Variants in SORCS1 observed in about 807,000 individuals in gnomAD.
SORCS1 encodes the protein VPS10 domain-containing receptor SorCS1.
In SORCS1, 60 loss-of-function variants were observed where a neutral mutation model predicts 146.1. That is an observed-to-expected ratio of 0.41 (90% confidence interval 0.33 to 0.51). The LOEUF is 0.51. SORCS1 is among the 20% of genes least tolerant of loss of function. The pLI is 0.21. For synonymous variants in SORCS1, 637 were observed against 584.0 expected, an observed-to-expected ratio of 1.09 and a Z score of -1.31; for missense variants, 1,352 against 1,487.6, an observed-to-expected ratio of 0.91 and a Z score of 1.50.
intron 1 of SORCS1, among the ~76,000 whole-genome samples, chr10:106,969,771 C>T (rs1955675543): frequency 6.6e-6 from 1 of 152,186 alleles, no homozygotes; most frequent in African/African-American, 2.4e-5. Context: ...CTTCCTCTCT[C>T]CACCTGGAAC....
intron 2 of SORCS1, among the ~76,000 whole-genome samples, chr10:106,944,923 T>C (rs1342042102): frequency 7.4e-6 from 1 of 135,152 alleles, no homozygotes; most frequent in African/African-American, 2.7e-5. Context: ...TCTCGCTCTG[T>C]CACTCAGGCT....
intron 1 of SORCS1, among the ~76,000 whole-genome samples, chr10:107,148,238 T>C (rs1459940352): frequency 6.6e-6 from 1 of 152,122 alleles, no homozygotes; most frequent in East Asian, 1.9e-4. Context: ...TTACATTCTC[T>C]CCAATCTCCT....
At chr10:107,103,108 G>C (rs1000142409) in intron 1 of SORCS1, among the ~76,000 whole-genome samples, 5 of 152,164 alleles carry the variant, frequency 3.3e-5, no homozygotes, top group African/African-American at 1.2e-4. Flanking sequence ...ACAAAGCATG[G>C]TGTAATTTTT....
rs752444842 is a variant in SORCS1, at chr10:106,679,608, C to A, written c.1663+24G>T. Reference sequence around the variant, plus strand: ...TAAAATAAACACTATTTACCACAGCCAGCAAACCAGGTAAGCTTCTTACCT... The same window carrying A: ...TAAAATAAACACTATTTACCACAGCAAGCAAACCAGGTAAGCTTCTTACCT... On this transcript the variant is annotated intron_variant, in intron 11 of 25. Coordinates refer to ENST00000263054, the MANE Select transcript of SORCS1 (RefSeq NM_052918.5). The A allele has an allele frequency of 3.2e-6, 5 of 1,576,854 alleles. No individual in the cohort carries two copies. In the Admixed American group the frequency reaches 8.6e-5, roughly 27 times the overall value.
intron 17 of SORCS1, among the ~76,000 whole-genome samples, chr10:106,666,798 T>A (rs538583044): frequency 1.1e-4 from 17 of 151,764 alleles, no homozygotes; most frequent in South Asian, 6.3e-4. Context: ...ACTCCTGACC[T>A]CAAGTGATCC....
chr10:106,938,616 G>A (rs1418975159), intron 2 of SORCS1, among the ~76,000 whole-genome samples: 1 of 152,198 alleles, frequency 6.6e-6, no homozygotes, highest in African/African-American at 2.4e-5. Context: ...AGGAGCAATT[G>A]TATCATGTGC....
intron 23 of SORCS1, among the ~76,000 whole-genome samples, chr10:106,604,580 C>T (rs1053479207): frequency 2.0e-5 from 3 of 152,196 alleles, no homozygotes; most frequent in Non-Finnish European, 4.4e-5. Flanking sequence ...CAGTCTCTAG[C>T]TTGGTACCTT....
intron 2 of SORCS1, among the ~76,000 whole-genome samples, chr10:106,919,678 C>T (rs778941629): frequency 2.8e-4 from 42 of 152,118 alleles, no homozygotes; most frequent in Non-Finnish European, 4.7e-4. Flanking sequence ...TACTCAAAAG[C>T]ATTGGATAGG....
At chr10:106,908,510 C>G (rs1952009404) in intron 2 of SORCS1, among the ~76,000 whole-genome samples, 2 of 152,170 alleles carry the variant, frequency 1.3e-5, no homozygotes, top group Admixed American at 6.5e-5. Context: ...TGTCCCCTCT[C>G]TGGGCTGGTG....
chr10:106,923,711 T>A (rs543468278), intron 2 of SORCS1, among the ~76,000 whole-genome samples: 2 of 152,346 alleles, frequency 1.3e-5, no homozygotes, highest in East Asian at 3.9e-4. Flanking sequence ...TCTTACATGG[T>A]GTTGAACATC....
rs528149960 is a variant in SORCS1, at chr10:106,744,095, TTTTATTTA to T, written c.960-13989_960-13982del. Among the ~76,000 whole-genome samples, 7 of 152,184 alleles carry T rather than the reference TTTTATTTA, an allele frequency of 4.6e-5. No homozygotes were observed. The East Asian group carries it at 7.7e-4, about 17-fold the overall frequency. On this transcript the variant is annotated intron_variant, in intron 5 of 25. Transcript: ENST00000263054. ...GTATTGGTAATATCTATCGTTTTAC[TTTTATTTA>T]TTTATTTATTTATTTACTTGACATA...
At chr10:106,589,369 A>C (rs1226843008) in intron 24 of SORCS1, among the ~76,000 whole-genome samples, 1 of 151,082 alleles carries the variant, frequency 6.6e-6, no homozygotes, top group Non-Finnish European at 1.5e-5. Context: ...GTCATTTCCC[A>C]CTCCCTCCTT....
At chr10:106,841,407 T>C (rs968044842) in intron 2 of SORCS1, among the ~76,000 whole-genome samples, 1 of 150,818 alleles carries the variant, frequency 6.6e-6, no homozygotes, top group African/African-American at 2.4e-5. Flanking sequence ...GAGGTGGAGG[T>C]TGAAATGAGC....
intron 3 of SORCS1, among the ~76,000 whole-genome samples, chr10:106,802,411 A>G (rs1023696341): frequency 2.6e-5 from 4 of 152,128 alleles, no homozygotes; most frequent in Admixed American, 1.3e-4. Flanking sequence ...AGCTCACTGC[A>G]ACCTCTGCCT....
chr10:106,665,460 C>A (rs143475902), intron 17 of SORCS1, among the ~76,000 whole-genome samples: 86 of 150,888 alleles, frequency 5.7e-4, no homozygotes, highest in African/African-American at 2.0e-3. Flanking sequence ...TGGACCCAAA[C>A]GATCCTTCCA....
intron 1 of SORCS1, among the ~76,000 whole-genome samples, chr10:106,978,517 T>A (rs993617456): frequency 6.6e-6 from 1 of 151,930 alleles, no homozygotes; most frequent in African/African-American, 2.4e-5. Flanking sequence ...GACTAAATAG[T>A]GGCCGGGCAT....
chr10:106,897,344 T>C (rs1951529452), intron 2 of SORCS1, among the ~76,000 whole-genome samples: 1 of 152,200 alleles, frequency 6.6e-6, no homozygotes, highest in African/African-American at 2.4e-5. Flanking sequence ...AAACTGTTTA[T>C]GTGCATTGGT....
At position 106,896,319 on chromosome 10, in the gene SORCS1, C is replaced by A. The variant is rs560194483; in HGVS notation, c.626+60194G>T. ...TGGCAGATGCCTGTGATCCTAGCTA[C>A]TCAGGAGGCTGAGGCACGAGAATTG... is the stretch of plus-strand genomic sequence containing the variant. On this transcript the variant is annotated intron_variant, in intron 2 of 25. Coordinates refer to ENST00000263054, the MANE Select transcript of SORCS1 (RefSeq NM_052918.5). 1.3e-4 allele frequency among the ~76,000 whole-genome samples: 20 copies of A among 151,512 alleles called. No individual in the cohort carries two copies. In the South Asian group the frequency reaches 3.7e-3, roughly 28 times the overall value.
intron 2 of SORCS1, among the ~76,000 whole-genome samples, chr10:106,935,445 GT>G (rs948654263): frequency 6.6e-6 from 1 of 152,044 alleles, no homozygotes; most frequent in African/African-American, 2.4e-5. Flanking sequence ...ATGATAGTGG[GT>G]TGACCTGTCT....
Sources: gnomAD v4.1 joint callset for allele counts (sites outside exome capture counted in the v4.1 genomes callset) on GRCh38, gnomAD v4.1.1 for gene constraint, MANE v1.5 for transcripts, NCBI Gene and HGNC (gene_info 2026-07-23, HGNC 2026-07-21) for gene names.